Variants in ATP8B3 observed in about 807,000 individuals in gnomAD.
ATP8B3 encodes phospholipid-transporting ATPase IK.
A neutral mutation model predicts 140.9 loss-of-function variants in ATP8B3; 141 were observed. The ratio of observed to expected loss-of-function variants is 1.00; its 90% confidence interval spans 0.87 to 1.15. The LOEUF is 1.15. ATP8B3 is among the 50% of genes most tolerant of loss of function. ATP8B3 has a pLI of 0.00. For missense variants in ATP8B3, 1,874 were observed against 1,740.6 expected (o/e 1.08, Z -1.36); for synonymous variants, 765 against 714.6 (o/e 1.07, Z -1.13).
rs746266606 is a variant in ATP8B3 at position 1,795,888 on chromosome 19, T to C, written c.2042A>G (p.Glu681Gly). 5 of 1,611,350 alleles carry C rather than the reference T, an allele frequency of 3.1e-6. No individual in the cohort carries two copies. Among genetic ancestry groups the C allele is most frequent in the Admixed American group, 1.7e-5 (1 of 59,872 alleles). The change falls in exon 18 of 29, where the codon GAG becomes GGG. Residue 681 changes from glutamate to glycine, a missense_variant. This residue lies in a region of ATP8B3 where 1,032 missense variants were observed against 963.6 expected (regional missense o/e 1.07). Coordinates refer to ENST00000310127, the MANE Select transcript of ATP8B3 (RefSeq NM_138813.4). Reference sequence around the variant, plus strand: ...GAAGGGACTCACAGCCAAGGCCTCCTCTGTGGCAAATTCCATTGCCCCCCT... The same window carrying C: ...GAAGGGACTCACAGCCAAGGCCTCCCCTGTGGCAAATTCCATTGCCCCCCT... ...HRRGAMEFAT[E>G]EALAAFAQET...
At chr19:1,799,635 G>T (rs1447432256) in intron 14 of ATP8B3, 1 of 528,014 alleles carries the variant, frequency 1.9e-6, no homozygotes, top group South Asian at 2.8e-5. Flanking sequence ...GTGGTGGCAG[G>T]TGCCTGTAAT....
rs551502413 is a variant in ATP8B3, at chr19:1,782,463, C to G, written c.*565G>C. 95 of 206,664 alleles carry G rather than the reference C, an allele frequency of 4.6e-4. No homozygotes were observed. The highest frequency in any genetic ancestry group is 2.2e-3 in the African/African-American group (95 of 42,746). The allele number at this position is 206,664 out of a possible 1,614,324, so 12.8% of individuals were successfully genotyped here. ...TGCTCGCTCGTGGACGTGGACGATT[C>G]TTCCAGACTTGGTGGCAGAGTCTCC... On this transcript the variant is annotated 3_prime_UTR_variant, in exon 29 of 29. Transcript: ENST00000310127.
chr19:1,792,299 G>T (rs2068537334), intron 18 of ATP8B3, among the ~76,000 whole-genome samples, 164 bp from the exon 19 acceptor site: 1 of 152,226 alleles, frequency 6.6e-6, no homozygotes, highest in African/African-American at 2.4e-5. Context: ...CTGGTCTGAG[G>T]CCGGGTACGG....
rs1293977964 is a variant in ATP8B3, at chr19:1,789,108, C to T, written c.2858G>A (p.Gly953Asp). Residue 953 changes from glycine (G) to aspartate (D), a missense_variant, in exon 24 of 29, where the codon GGC (glycine) becomes GAC (aspartate). Around this residue, in one of 3 missense-constraint regions of ATP8B3, gnomAD observed 840 missense variants for 760.9 expected, o/e 1.10. Transcript: ENST00000310127. ...DINMIKTADVGVGLAGQEGMQ... is the reference protein window; with the variant it reads ...DINMIKTADVDVGLAGQEGMQ... ...GCCCTCCTGGCCCGCCAGCCCCACG[C>T]CCACGTCCGCGGCTGCAGGGCACAA... The T allele has an allele frequency of 1.3e-6, 2 of 1,588,772 alleles. No homozygotes were observed. Among genetic ancestry groups the T allele is most frequent in the Non-Finnish European group, 1.7e-6 (2 of 1,172,866 alleles).
At position 1,806,551 on chromosome 19, in the gene ATP8B3, A is replaced by G. The variant is rs1456471663; in HGVS notation, c.677+77T>C. On this transcript the variant is annotated intron_variant, in intron 7 of 28. Coordinates refer to ENST00000310127, the MANE Select transcript of ATP8B3 (RefSeq NM_138813.4). The surrounding 1 kb of genome is among the most constrained non-coding windows in gnomAD (Gnocchi z 5.6). Reference sequence around the variant, plus strand: ...TCAGGGAGCACGGAAGGTGATGGACACTTGCCGAGGCCGATGACCCTGCTG... The same window carrying G: ...TCAGGGAGCACGGAAGGTGATGGACGCTTGCCGAGGCCGATGACCCTGCTG... 1.9e-5 allele frequency: 30 copies of G among 1,540,814 alleles called. No homozygotes were observed. Among genetic ancestry groups the G allele is most frequent in the Non-Finnish European group, 8.7e-7 (1 of 1,143,944 alleles).
chr19:1,803,820 C>A (rs1032730380), intron 10 of ATP8B3, among the ~76,000 whole-genome samples: 1 of 148,478 alleles, frequency 6.7e-6, no homozygotes, highest in African/African-American at 2.5e-5. Flanking sequence ...CGCTTGAACC[C>A]GGGAGGCGGA....
chr19:1,805,648 A>G lies in ATP8B3; in HGVS notation c.822-192T>C, dbSNP rs2068987565. 6.6e-6 allele frequency among the ~76,000 whole-genome samples: 1 copy of G among 152,226 alleles called. No individual in the cohort carries two copies. Among genetic ancestry groups the G allele is most frequent in the South Asian group, 2.1e-4 (1 of 4,838 alleles). On this transcript the variant is annotated intron_variant, in intron 9 of 28. Coordinates refer to ENST00000310127, the MANE Select transcript of ATP8B3 (RefSeq NM_138813.4). This position sits in a 1 kb window ranked among gnomAD's most constrained non-coding sequence, Gnocchi z 5.2. Reference sequence around the variant, plus strand: ...CACACAGCACATTTGCAAAGTGCTGAGGCCAGGGCCTAGGGCCTAGGGCCT... The same window carrying G: ...CACACAGCACATTTGCAAAGTGCTGGGGCCAGGGCCTAGGGCCTAGGGCCT...
Position 1,783,081 on chromosome 19 carries a change from A to G in ATP8B3, c.3850T>C (p.Ser1284Pro). The G allele has an allele frequency of 6.2e-7, 1 of 1,612,796 alleles. No individual in the cohort carries two copies. Among genetic ancestry groups the G allele is most frequent in the Non-Finnish European group, 8.5e-7 (1 of 1,179,568 alleles). ...PGVSSDIASE[S>P]LDPSDEEAAS... ...GCCTCTTCATCAGATGGGTCTAGGG[A>G]TTCAGATGCTATGTCACTGCTGACC... is the stretch of plus-strand genomic sequence containing the variant. The change falls in exon 29 of 29, where the codon TCC (serine) becomes CCC (proline). Residue 1284 changes from serine to proline, a missense_variant. Ser to Pro is a moderately conservative substitution (Grantham distance 74). Transcript: ENST00000310127.
At chr19:1,788,261 A>G (rs1389119997) in intron 24 of ATP8B3, among the ~76,000 whole-genome samples, 1 of 152,236 alleles carries the variant, frequency 6.6e-6, no homozygotes, top group East Asian at 1.9e-4. Flanking sequence ...CCAGAGCCCC[A>G]GCTCCCACAA....
At chr19:1,809,808 G>A in intron 3 of ATP8B3, 74 bp from the exon 4 acceptor site, 2 of 1,370,912 alleles carry the variant, frequency 1.5e-6, no homozygotes, top group Non-Finnish European at 2.0e-6. Context: ...CCCGGAGGAG[G>A]GCTCATGGGG....
At position 1,800,963 on chromosome 19, in the gene ATP8B3, G is replaced by T. The variant is rs183017929; in HGVS notation, c.1153-514C>A. 7.3e-5 allele frequency among the ~76,000 whole-genome samples: 11 copies of T among 150,686 alleles called. No homozygotes were observed. Among genetic ancestry groups the T allele is most frequent in the Admixed American group, 1.3e-4 (2 of 15,118 alleles). On this transcript the variant is annotated intron_variant, in intron 12 of 28. Coordinates refer to ENST00000310127, the MANE Select transcript of ATP8B3 (RefSeq NM_138813.4). This position sits in a 1 kb window ranked among gnomAD's most constrained non-coding sequence, Gnocchi z 4.4. ...CCTGCCTCAGCCTCCCGAGTAGCTG[G>T]GACTACAGGCGCCCGCCACCACGCC... is the stretch of plus-strand genomic sequence containing the variant.
In ATP8B3 at chr19:1,806,333, G is replaced by A. The variant is rs551974726; in HGVS notation, c.678-164C>T. The A allele has an allele frequency of 4.3e-5, 63 of 1,469,842 alleles. No homozygotes were observed. In the South Asian group the frequency reaches 4.7e-4, roughly 11 times the overall value. 91.0% of individuals were successfully genotyped at this position (1,469,842 alleles called of 1,614,324 possible). ...CCCGGGCTCCCACCCCACTCCCCGC[G>A]GGTCCACGCTCCCACCCAGTGACCT... is the stretch of plus-strand genomic sequence containing the variant. On this transcript the variant is annotated intron_variant, in intron 7 of 28. Transcript: ENST00000310127. This position sits in a 1 kb window ranked among gnomAD's most constrained non-coding sequence, Gnocchi z 5.6.
intron 18 of ATP8B3, 48 bp from the exon 19 acceptor site, chr19:1,792,183 C>T (rs772703076): frequency 1.9e-5 from 29 of 1,509,096 alleles, no homozygotes; most frequent in African/African-American, 1.8e-4. Flanking sequence ...AGCCGACATC[C>T]GAGGCTCAGC....
At chr19:1,785,805 T>A (rs2068288509) in intron 25 of ATP8B3, 97 bp from the exon 26 acceptor site, 3 of 1,308,562 alleles carry the variant, frequency 2.3e-6, no homozygotes, top group Non-Finnish European at 3.1e-6. Flanking sequence ...GTGGCCACTC[T>A]CTGTGTGTGG....
chr19:1,793,636 G>A (rs970530632), intron 18 of ATP8B3, among the ~76,000 whole-genome samples: 1 of 152,236 alleles, frequency 6.6e-6, no homozygotes, highest in Non-Finnish European at 1.5e-5. Flanking sequence ...GGGTGGTCGG[G>A]GGGTCCCCAA....
chr19:1,792,772 A>G, intron 18 of ATP8B3, among the ~76,000 whole-genome samples: 1 of 151,544 alleles, frequency 6.6e-6, no homozygotes, highest in East Asian at 1.9e-4. Context: ...AAAATTAGCC[A>G]GGTGTGGTGG....
In ATP8B3 at chr19:1,811,973, GT is replaced by G. The variant is rs2069201575; in HGVS notation, c.-148-90del. 18 of 552,596 alleles carry G rather than the reference GT, an allele frequency of 3.3e-5. No homozygotes were observed. The South Asian group carries it at 3.9e-4, about 12-fold the overall frequency. 34.2% of individuals were successfully genotyped at this position (552,596 alleles called of 1,614,324 possible). A position where few individuals can be genotyped will look rare whatever the true frequency, so the allele number is the denominator to read the frequency against. On this transcript the variant is annotated intron_variant, in intron 1 of 28. Transcript: ENST00000310127. ...CCATTACTCGGAAGCCCCCCACCCC[GT>G]CTTCCCGCAGCCGCAGGGGCACAGG...
rs1407695244 is a variant in ATP8B3, at chr19:1,812,038, C to T, written c.-149+148G>A. On this transcript the variant is annotated intron_variant, in intron 1 of 28. Transcript: ENST00000310127. ...GGGCTCCAGAGTCCAGGGCTGTCTG[C>T]ACCCGCCCCGGGGCCCCGACCGCGC... 6 of 332,332 alleles carry T rather than the reference C, an allele frequency of 1.8e-5. No homozygotes were observed. The Admixed American group carries it at 2.4e-4, about 13-fold the overall frequency. The allele number at this position is 332,332 out of a possible 1,614,324, so 20.6% of individuals were successfully genotyped here.
At chr19:1,810,974 A>G (rs545098954) in intron 2 of ATP8B3, among the ~76,000 whole-genome samples, 1 of 151,888 alleles carries the variant, frequency 6.6e-6, no homozygotes, top group Admixed American at 6.6e-5. Context: ...GCCTAGAAGG[A>G]CTCTACCGCC....
Sources: allele counts gnomAD v4.1 joint callset (sites outside exome capture counted in the v4.1 genomes callset), GRCh38; gene constraint gnomAD v4.1.1; regional missense constraint gnomAD v4.1.1; non-coding constraint Gnocchi (gnomAD v3.1); transcripts MANE v1.5; gene names NCBI Gene and HGNC (gene_info 2026-07-23, HGNC 2026-07-21).